The following GNAZ variants were observed in gnomAD, a reference collection of about 807,000 sequenced individuals.
The protein encoded by GNAZ is guanine nucleotide-binding protein G(z) subunit alpha.
A neutral mutation model predicts 25.4 loss-of-function variants in GNAZ; 3 were observed. The observed-to-expected ratio is 0.12, with a 90% CI of 0.05 to 0.30. The LOEUF is 0.30. Among genes scored for constraint, GNAZ ranks in the 10% least tolerant of loss-of-function variants. GNAZ has a pLI of 1.00. For missense variants in GNAZ, 241 were observed against 501.8 expected, an observed-to-expected ratio of 0.48 and a Z score of 4.97; for synonymous variants, 211 against 205.7, an observed-to-expected ratio of 1.03 and a Z score of -0.22.
intron 1 of GNAZ, among the ~76,000 whole-genome samples, chr22:23,078,816 C>T (rs570062561): frequency 6.6e-6 from 1 of 152,184 alleles, no homozygotes; most frequent in Non-Finnish European, 1.5e-5. Context: ...GAAGCCCAGC[C>T]CCAAAGGGCT....
intron 2 of GNAZ, among the ~76,000 whole-genome samples, chr22:23,114,402 TC>T (rs1179836178): frequency 3.9e-5 from 6 of 152,156 alleles, no homozygotes; most frequent in Non-Finnish European, 8.8e-5. Context: ...GCCCCACCCT[TC>T]CCAGCAATGC....
chr22:23,083,326 C>G (rs1286159254), intron 1 of GNAZ, among the ~76,000 whole-genome samples: 1 of 152,026 alleles, frequency 6.6e-6, no homozygotes, highest in African/African-American at 2.4e-5. Context: ...CCAGGGATAT[C>G]ACGGGCTCCA....
intron 1 of GNAZ, among the ~76,000 whole-genome samples, chr22:23,087,650 C>A (rs966531417): frequency 6.6e-6 from 1 of 152,196 alleles, no homozygotes; most frequent in Non-Finnish European, 1.5e-5. Flanking sequence ...TTAAGGATAA[C>A]TTGGTGGATG....
intron 1 of GNAZ, among the ~76,000 whole-genome samples, chr22:23,080,043 G>T (rs1159192331): frequency 6.6e-6 from 1 of 152,140 alleles, no homozygotes; most frequent in African/African-American, 2.4e-5. Flanking sequence ...GGAAACTGGG[G>T]AGCCAGGAGC....
chr22:23,090,417 G>C (rs1411589245), intron 1 of GNAZ, among the ~76,000 whole-genome samples: 2 of 152,246 alleles, frequency 1.3e-5, no homozygotes, highest in South Asian at 2.1e-4. Context: ...TTATCACCTG[G>C]ATGTTTGCAT....
rs2068551336 is a variant in GNAZ, at chr22:23,077,935, GC to G, written c.-450+7366del. ...TAACTGTGGCCAGGCCAGGGGAGGA[GC>G]AACTCCACCATGAGGGCTTGGCCCT... On this transcript the variant is annotated intron_variant, in intron 1 of 2. Coordinates refer to ENST00000615612, the MANE Select transcript of GNAZ (RefSeq NM_002073.4). 2.0e-5 allele frequency among the ~76,000 whole-genome samples: 3 copies of G among 152,190 alleles called. No homozygotes were observed. In the South Asian group the frequency reaches 6.2e-4, roughly 31 times the overall value.
chr22:23,074,468 G>A (rs1311620121), intron 1 of GNAZ, among the ~76,000 whole-genome samples: 1 of 152,212 alleles, frequency 6.6e-6, no homozygotes, highest in African/African-American at 2.4e-5. Context: ...TTCTGGAGAG[G>A]TGGGGAATTA....
At chr22:23,114,260 A>G (rs2069751131) in intron 2 of GNAZ, among the ~76,000 whole-genome samples, 1 of 152,072 alleles carries the variant, frequency 6.6e-6, no homozygotes, top group Non-Finnish European at 1.5e-5. Flanking sequence ...GAAAAAGCTG[A>G]ATTCACGGTT....
chr22:23,096,704 T>G (rs1231168701), intron 2 of GNAZ, among the ~76,000 whole-genome samples: 8 of 152,190 alleles, frequency 5.3e-5, no homozygotes, highest in Non-Finnish European at 1.5e-5. Context: ...ATGTGATAGT[T>G]TGGCAAATCC....
intron 1 of GNAZ, among the ~76,000 whole-genome samples, chr22:23,090,403 C>T (rs1019539653): frequency 6.6e-6 from 1 of 152,164 alleles, no homozygotes; most frequent in South Asian, 2.1e-4. Context: ...GTGTTGCTCC[C>T]CTTTTATCAC....
chr22:23,116,029 T>C (rs908713476), intron 2 of GNAZ, among the ~76,000 whole-genome samples: 5 of 152,238 alleles, frequency 3.3e-5, no homozygotes, highest in African/African-American at 1.2e-4. Context: ...CTGAGGCCGC[T>C]GGGGTCCCAC....
At chr22:23,115,930 G>A (rs1462848318) in intron 2 of GNAZ, among the ~76,000 whole-genome samples, 2 of 152,244 alleles carry the variant, frequency 1.3e-5, no homozygotes, top group African/African-American at 4.8e-5. Context: ...CCTGGGCCCT[G>A]TGTGAAGATG....
intron 2 of GNAZ, among the ~76,000 whole-genome samples, chr22:23,118,240 C>T (rs1362529160): frequency 6.6e-6 from 1 of 152,248 alleles, no homozygotes; most frequent in East Asian, 1.9e-4. Flanking sequence ...GGTTACAAAT[C>T]ACCTCACCAT....
At chr22:23,078,786 C>T (rs1253870054) in intron 1 of GNAZ, among the ~76,000 whole-genome samples, 1 of 152,192 alleles carries the variant, frequency 6.6e-6, no homozygotes. Flanking sequence ...GGTGGGAGCA[C>T]ACTTGCAGGG....
chr22:23,095,413 A>C lies in GNAZ; in HGVS notation c.-283A>C, dbSNP rs2069096458. The stretch of plus-strand genomic sequence containing the variant: ...AGCGGACGGCTTCCCACCGTCGCCG[A>C]GGACAGGGAATGACTACGGCAAATC... On this transcript the variant is annotated 5_prime_UTR_variant, in exon 2 of 3. Coordinates refer to ENST00000615612, the MANE Select transcript of GNAZ (RefSeq NM_002073.4). The C allele has an allele frequency of 9.5e-6, 4 of 421,306 alleles. No homozygotes were observed. The South Asian group carries it at 1.1e-4, about 12-fold the overall frequency. 26.1% of individuals were successfully genotyped at this position (421,306 alleles called of 1,614,324 possible). A position where few individuals can be genotyped will look rare whatever the true frequency, so the allele number is the denominator to read the frequency against.
At chr22:23,085,599 G>T (rs940611722) in intron 1 of GNAZ, among the ~76,000 whole-genome samples, 1 of 152,176 alleles carries the variant, frequency 6.6e-6, no homozygotes, top group African/African-American at 2.4e-5. Flanking sequence ...GATAAGAGAT[G>T]GGCTCCAGCC....
rs773947794 is a variant in GNAZ, at chr22:23,095,706, G to A, written c.11G>A (p.Arg4Gln). The change falls in exon 2 of 3, where the codon CGG (arginine) becomes CAG (glutamine). Residue 4 changes from arginine to glutamine, a missense_variant. Transcript: ENST00000615612. ...CGCTGCTGCCAGACCATGGGATGTC[G>A]GCAAAGCTCAGAGGAAAAAGAAGCA... MGC[R>Q]QSSEEKEAAR... 4.4e-6 allele frequency: 7 copies of A among 1,605,880 alleles called. No individual in the cohort carries two copies. The highest frequency in any genetic ancestry group is 2.2e-5 in the East Asian group (1 of 44,788).
At chr22:23,116,413 C>A (rs2069837950) in intron 2 of GNAZ, among the ~76,000 whole-genome samples, 2 of 152,254 alleles carry the variant, frequency 1.3e-5, no homozygotes, top group Non-Finnish European at 2.9e-5. Context: ...AGGACATTTG[C>A]AGTGCAGGAG....
chr22:23,108,468 C>T (rs796991713), intron 2 of GNAZ, among the ~76,000 whole-genome samples: 17 of 152,362 alleles, frequency 1.1e-4, no homozygotes, highest in African/African-American at 3.8e-4. Flanking sequence ...GTGACAGAGA[C>T]GGAAGCAGGA....
Sources: gnomAD v4.1 joint callset for allele counts (sites outside exome capture counted in the v4.1 genomes callset) on GRCh38, gnomAD v4.1.1 for gene constraint, MANE v1.5 for transcripts, NCBI Gene and HGNC (gene_info 2026-07-23, HGNC 2026-07-21) for gene names.